The following CDKAL1 variants were observed in gnomAD, a reference collection of about 807,000 sequenced individuals.
CDKAL1 encodes CDKAL1 threonylcarbamoyladenosine tRNA methylthiotransferase.
Under a neutral mutation model 68.2 loss-of-function variants are expected in CDKAL1, and 32 were observed. That is an observed-to-expected ratio of 0.47 (90% confidence interval 0.35 to 0.63). The LOEUF is 0.63. CDKAL1 is among the 30% of genes least tolerant of loss of function. CDKAL1 has a pLI of 0.00. For synonymous variants in CDKAL1, 234 were observed against 244.3 expected (o/e 0.96, Z 0.39); for missense variants, 606 against 696.7 (o/e 0.87, Z 1.47).
chr6:20,539,672 G>A lies in CDKAL1; in HGVS notation c.-6+4278G>A, dbSNP rs1763312265. 6.6e-6 allele frequency among the ~76,000 whole-genome samples: 1 copy of A among 152,176 alleles called. No individual in the cohort carries two copies. Among genetic ancestry groups the A allele is most frequent in the Non-Finnish European group, 1.5e-5 (1 of 68,034 alleles). On this transcript the variant is annotated intron_variant, in intron 2 of 15. Transcript: ENST00000274695. This position sits in a 1 kb window ranked among gnomAD's most constrained non-coding sequence, Gnocchi z 4.3. ...AACAAAGCCTGCATGACTGAGGGGA[G>A]CGTGGTAGGAAGTGGGGCCAGAGAT...
intron 12 of CDKAL1, among the ~76,000 whole-genome samples, chr6:21,076,221 G>C (rs1772065704): frequency 6.6e-6 from 1 of 152,046 alleles, no homozygotes; most frequent in African/African-American, 2.4e-5. Flanking sequence ...TGTTGCTGTG[G>C]GTGTTCATAC....
chr6:20,862,272 A>G (rs796277996), intron 9 of CDKAL1, among the ~76,000 whole-genome samples: 5 of 152,332 alleles, frequency 3.3e-5, no homozygotes, highest in African/African-American at 1.2e-4. Context: ...TATATCACGG[A>G]GTAATAAGAG....
Position 20,903,783 on chromosome 6 carries a change from A to G in CDKAL1, c.743-51636A>G, listed in dbSNP as rs1561872082. Among the ~76,000 whole-genome samples the G allele has an allele frequency of 2.0e-5, 3 of 152,354 alleles. No individual in the cohort carries two copies. In the South Asian group the frequency reaches 6.2e-4, roughly 32 times the overall value. On this transcript the variant is annotated intron_variant, in intron 9 of 15. Transcript: ENST00000274695. Reference sequence around the variant, plus strand: ...ATAAGTCCTTCTGGGATTAGAAATTATAGTCTGAAAAGTGACTATGCAGAA... The same window carrying G: ...ATAAGTCCTTCTGGGATTAGAAATTGTAGTCTGAAAAGTGACTATGCAGAA...
chr6:21,160,656 C>CGT (rs1554189725), intron 13 of CDKAL1, among the ~76,000 whole-genome samples: 9,311 of 127,710 alleles, frequency 0.073, 491 homozygotes, highest in Admixed American at 0.11. Context: ...CACACACACA[C>CGT]GTGTGTGTGT....
intron 5 of CDKAL1, among the ~76,000 whole-genome samples, chr6:20,666,017 G>A (rs904860242): frequency 3.3e-5 from 5 of 151,840 alleles, no homozygotes; most frequent in Non-Finnish European, 7.4e-5. Flanking sequence ...ATTTCTATAT[G>A]GCCTGAAGCA....
chr6:20,801,152 G>A (rs999721999), intron 8 of CDKAL1, among the ~76,000 whole-genome samples: 6 of 151,994 alleles, frequency 3.9e-5, no homozygotes, highest in Non-Finnish European at 7.4e-5. Flanking sequence ...TCAGACTCCC[G>A]AACTCAAGTG....
intron 8 of CDKAL1, among the ~76,000 whole-genome samples, chr6:20,837,937 T>TTG (rs531904726): frequency 0.26 from 31,597 of 122,892 alleles, 3,993 homozygotes; most frequent in East Asian, 0.32. Flanking sequence ...TGGGAAGAAA[T>TTG]TGTGTGTGTG....
At chr6:21,187,804 T>A (rs1778072618) in intron 13 of CDKAL1, among the ~76,000 whole-genome samples, 1 of 152,234 alleles carries the variant, frequency 6.6e-6, no homozygotes, top group Admixed American at 6.5e-5. Context: ...AAACAAAACT[T>A]CTACAAGCAC....
At chr6:21,227,988 T>A (rs1441831366) in intron 15 of CDKAL1, among the ~76,000 whole-genome samples, 1 of 152,208 alleles carries the variant, frequency 6.6e-6, no homozygotes, top group Non-Finnish European at 1.5e-5. Context: ...TCAACCCAAC[T>A]AAATGCTTAA....
At chr6:21,144,631 C>CA (rs59162861) in intron 13 of CDKAL1, among the ~76,000 whole-genome samples, 41,501 of 126,750 alleles carry the variant, frequency 0.33, 6,921 homozygotes, top group African/African-American at 0.48. Flanking sequence ...CAAAAAATAC[C>CA]AAAAAAAAAA....
chr6:20,949,781 C>G (rs563943562), intron 9 of CDKAL1, among the ~76,000 whole-genome samples: 1 of 151,586 alleles, frequency 6.6e-6, no homozygotes, highest in Non-Finnish European at 1.5e-5. Context: ...TCAGTGGTCG[C>G]GAAAGTTTTC....
At chr6:20,628,423 C>A (rs1767525941) in intron 4 of CDKAL1, among the ~76,000 whole-genome samples, 1 of 152,106 alleles carries the variant, frequency 6.6e-6, no homozygotes, top group Non-Finnish European at 1.5e-5. Flanking sequence ...ACTGTTGTCT[C>A]AGGCATACAA....
intron 11 of CDKAL1, among the ~76,000 whole-genome samples, chr6:21,035,554 AAC>A (rs1349922079): frequency 6.6e-6 from 1 of 152,166 alleles, no homozygotes; most frequent in African/African-American, 2.4e-5. Context: ...TCAAGAAAGA[AAC>A]AGATTTCTAC....
At chr6:20,817,922 A>G (rs960207981) in intron 8 of CDKAL1, among the ~76,000 whole-genome samples, 3 of 152,168 alleles carry the variant, frequency 2.0e-5, no homozygotes, top group Non-Finnish European at 2.9e-5. Context: ...GACAGGCTGT[A>G]TTAGCATGAT....
intron 13 of CDKAL1, among the ~76,000 whole-genome samples, chr6:21,145,763 G>A (rs1318638018): frequency 6.6e-6 from 1 of 152,178 alleles, no homozygotes; most frequent in Non-Finnish European, 1.5e-5. Flanking sequence ...CACCGGGCCT[G>A]GTGGCATACA....
At chr6:21,070,825 G>A (rs893838553) in intron 12 of CDKAL1, among the ~76,000 whole-genome samples, 3 of 152,020 alleles carry the variant, frequency 2.0e-5, no homozygotes, top group Non-Finnish European at 4.4e-5. Flanking sequence ...CTGTCCCTGG[G>A]CCAACATCCA....
chr6:21,207,198 G>C (rs1778974096), intron 15 of CDKAL1, among the ~76,000 whole-genome samples: 1 of 150,126 alleles, frequency 6.7e-6, no homozygotes. Flanking sequence ...GAGGCGTGAG[G>C]CACCACACCC....
chr6:20,979,145 C>T (rs191217568), intron 10 of CDKAL1, among the ~76,000 whole-genome samples: 48 of 152,196 alleles, frequency 3.2e-4, no homozygotes, highest in Admixed American at 5.2e-4. Flanking sequence ...GTTTCCCTAG[C>T]GGCATATACC....
intron 8 of CDKAL1, among the ~76,000 whole-genome samples, chr6:20,807,145 C>A (rs1445821524): frequency 1.3e-5 from 2 of 152,178 alleles, no homozygotes. Flanking sequence ...TGCTCTACCA[C>A]ACACAGCAGT....
Sources: allele counts gnomAD v4.1 joint callset (sites outside exome capture counted in the v4.1 genomes callset), GRCh38; gene constraint gnomAD v4.1.1; non-coding constraint Gnocchi (gnomAD v3.1); transcripts MANE v1.5; gene names NCBI Gene and HGNC (gene_info 2026-07-23, HGNC 2026-07-21).